The following ADAMTS12 variants were observed in gnomAD, a reference collection of about 807,000 sequenced individuals.
ADAMTS12 encodes the protein A disintegrin and metalloproteinase with thrombospondin motifs 12.
Under a neutral mutation model 167.8 loss-of-function variants are expected in ADAMTS12, and 118 were observed. The observed-to-expected ratio is 0.70, with a 90% confidence interval of 0.61 to 0.82. The LOEUF is 0.82. ADAMTS12 is among the 40% of genes least tolerant of loss of function. The pLI is 0.00. For missense variants in ADAMTS12, 1,916 were observed against 1,998.8 expected, an observed-to-expected ratio of 0.96 and a Z score of 0.79; for synonymous variants, 704 against 716.9, an observed-to-expected ratio of 0.98 and a Z score of 0.29.
chr5:33,827,681 G>A (rs1199577533), intron 2 of ADAMTS12, among the ~76,000 whole-genome samples: 4 of 151,022 alleles, frequency 2.6e-5, no homozygotes, highest in South Asian at 2.1e-4. Flanking sequence ...ATGTATCCTC[G>A]CATTTGGATA....
At chr5:33,651,791 C>T (rs1740875654) in intron 7 of ADAMTS12, among the ~76,000 whole-genome samples, 1 of 152,146 alleles carries the variant, frequency 6.6e-6, no homozygotes, top group Non-Finnish European at 1.5e-5. Flanking sequence ...ACTCATTCTC[C>T]TCCCACTCTC....
At chr5:33,723,463 C>T (rs1743872067) in intron 3 of ADAMTS12, among the ~76,000 whole-genome samples, 1 of 152,194 alleles carries the variant, frequency 6.6e-6, no homozygotes, top group African/African-American at 2.4e-5. Flanking sequence ...CCCATAATAA[C>T]TGAGCTTGGC....
intron 16 of ADAMTS12, among the ~76,000 whole-genome samples, chr5:33,600,305 G>C (rs371160797): frequency 6.6e-3 from 1 of 152 alleles, no homozygotes. Flanking sequence ...TTAAAAGAAC[G>C]TCTTCCTGTA....
At chr5:33,865,871 A>T (rs1321337250) in intron 2 of ADAMTS12, among the ~76,000 whole-genome samples, 3 of 152,152 alleles carry the variant, frequency 2.0e-5, no homozygotes, top group African/African-American at 7.2e-5. Flanking sequence ...AATCGCTACA[A>T]AAGCAAAATA....
chr5:33,796,130 T>A (rs1012814), intron 2 of ADAMTS12, among the ~76,000 whole-genome samples: 112,754 of 152,160 alleles, frequency 0.74, 42,096 homozygotes, highest in African/African-American at 0.81. Flanking sequence ...ACATACGTAC[T>A]GTGGATATGC....
intron 23 of ADAMTS12, 77 bp downstream of exon 23, chr5:33,534,756 G>A: frequency 6.7e-7 from 1 of 1,501,638 alleles, no homozygotes; most frequent in East Asian, 2.3e-5. Context: ...GAAATGTAAA[G>A]CTATCTACAA....
chr5:33,891,525 A>T (rs1013939244), intron 1 of ADAMTS12: 3 of 653,786 alleles, frequency 4.6e-6, no homozygotes, highest in Middle Eastern at 4.2e-4. Context: ...TCACCTTTCT[A>T]TAAGAATGAA....
intron 2 of ADAMTS12, among the ~76,000 whole-genome samples, chr5:33,860,546 T>C (rs1749571777): frequency 6.6e-6 from 1 of 152,132 alleles, no homozygotes; most frequent in Admixed American, 6.5e-5. Flanking sequence ...GATTGGTGTA[T>C]CTGAAAGTGT....
At chr5:33,584,479 G>C (rs1350439444) in intron 18 of ADAMTS12, among the ~76,000 whole-genome samples, 1 of 152,076 alleles carries the variant, frequency 6.6e-6, no homozygotes, top group East Asian at 1.9e-4. Context: ...TCAAGGAGAG[G>C]ATAGGTGAAA....
intron 19 of ADAMTS12, among the ~76,000 whole-genome samples, chr5:33,569,190 C>T: frequency 6.6e-6 from 1 of 152,250 alleles, no homozygotes; most frequent in South Asian, 2.1e-4. Context: ...AAAAAGATAG[C>T]AGTAACCTCT....
intron 5 of ADAMTS12, among the ~76,000 whole-genome samples, chr5:33,668,010 C>T (rs984987719): frequency 6.6e-6 from 1 of 152,186 alleles, no homozygotes; most frequent in Non-Finnish European, 1.5e-5. Flanking sequence ...GGAAACAAAC[C>T]TGACAAATTC....
intron 3 of ADAMTS12, among the ~76,000 whole-genome samples, chr5:33,745,803 C>G (rs1471823102): frequency 6.6e-6 from 1 of 152,200 alleles, no homozygotes; most frequent in Non-Finnish European, 1.5e-5. Context: ...GCCTCTGGCA[C>G]TCTGAGTACC....
chr5:33,528,162 G>A (rs370792624), intron 23 of ADAMTS12, among the ~76,000 whole-genome samples: 1 of 151,864 alleles, frequency 6.6e-6, no homozygotes, highest in Admixed American at 6.6e-5. Context: ...TCTAAGTGAA[G>A]TAACTTCAGG....
chr5:33,836,058 G>T (rs745395050), intron 2 of ADAMTS12, among the ~76,000 whole-genome samples: 8 of 151,998 alleles, frequency 5.3e-5, no homozygotes, highest in Non-Finnish European at 1.0e-4. Context: ...ATGTTACTGG[G>T]TTTGTTTTTG....
At chr5:33,720,577 G>C (rs1233894394) in intron 3 of ADAMTS12, among the ~76,000 whole-genome samples, 1 of 152,150 alleles carries the variant, frequency 6.6e-6, no homozygotes, top group Non-Finnish European at 1.5e-5. Flanking sequence ...AAGCTGAGGT[G>C]AGCAGCAACA....
intron 2 of ADAMTS12, among the ~76,000 whole-genome samples, chr5:33,809,322 T>C (rs1049798095): frequency 9.9e-5 from 15 of 152,200 alleles, no homozygotes; most frequent in Admixed American, 9.8e-4. Context: ...TTCAGAATTC[T>C]ACATTGACAC....
At chr5:33,648,727 TG>T in intron 9 of ADAMTS12, 94 bp downstream of exon 9, 1 of 1,424,690 alleles carries the variant, frequency 7.0e-7, no homozygotes, top group Non-Finnish European at 9.6e-7. Context: ...TTTCTGTGTC[TG>T]GATGTTCAGT....
chr5:33,716,522 C>T (rs927488664), intron 3 of ADAMTS12, among the ~76,000 whole-genome samples: 1 of 151,954 alleles, frequency 6.6e-6, no homozygotes, highest in African/African-American at 2.4e-5. Flanking sequence ...TGGTGTTTCC[C>T]TCGCTTATTA....
chr5:33,679,108 C>G (rs1237226343), intron 5 of ADAMTS12, among the ~76,000 whole-genome samples: 1 of 152,194 alleles, frequency 6.6e-6, no homozygotes, highest in Non-Finnish European at 1.5e-5. Flanking sequence ...TGGCTGCTTT[C>G]TCTCCTGTCT....
Sources: allele counts gnomAD v4.1 joint callset (sites outside exome capture counted in the v4.1 genomes callset), GRCh38; gene constraint gnomAD v4.1.1; transcripts MANE v1.5; gene names NCBI Gene and HGNC (gene_info 2026-07-23, HGNC 2026-07-21).